Variants in GLUD1 observed in about 807,000 individuals in gnomAD.
GLUD1 encodes glutamate dehydrogenase 1, also known as glutamate dehydrogenase 1, mitochondrial.
A neutral mutation model predicts 56.0 loss-of-function variants in GLUD1; 22 were observed. The observed-to-expected ratio is 0.39, with a 90% CI of 0.28 to 0.56. GLUD1 has a LOEUF of 0.56. Among genes scored for constraint, GLUD1 ranks in the 20% least tolerant of loss-of-function variants. GLUD1 has a pLI of 0.58. For synonymous variants in GLUD1, 223 were observed against 269.9 expected, an observed-to-expected ratio of 0.83 and a Z score of 1.70; for missense variants, 451 against 732.0, an observed-to-expected ratio of 0.62 and a Z score of 4.43.
chr10:87,055,376 G>A (rs1845743176), intron 11 of GLUD1, among the ~76,000 whole-genome samples: 1 of 152,156 alleles, frequency 6.6e-6, no homozygotes, highest in Non-Finnish European at 1.5e-5. Context: ...GGTCCTGATA[G>A]TGCCAAACAG....
chr10:87,052,671 A>AG, intron 12 of GLUD1, among the ~76,000 whole-genome samples: 1 of 127,848 alleles, frequency 7.8e-6, no homozygotes, highest in Non-Finnish European at 1.6e-5. Flanking sequence ...CTCCGTCTCA[A>AG]AAAAAAAAAA....
intron 5 of GLUD1, among the ~76,000 whole-genome samples, chr10:87,063,794 A>G (rs1845997968): frequency 6.6e-6 from 1 of 152,202 alleles, no homozygotes; most frequent in Admixed American, 6.5e-5. Flanking sequence ...CTGTGTGAGC[A>G]GAGTATCTTT....
intron 5 of GLUD1, among the ~76,000 whole-genome samples, chr10:87,064,093 T>C (rs1846009714): frequency 6.6e-6 from 1 of 152,124 alleles, no homozygotes; most frequent in African/African-American, 2.4e-5. Flanking sequence ...AGTAGAGTAT[T>C]TTTAGTAGAG....
chr10:87,052,215 G>A (rs745799578), intron 12 of GLUD1, among the ~76,000 whole-genome samples: 6 of 152,230 alleles, frequency 3.9e-5, no homozygotes, highest in East Asian at 1.9e-4. Flanking sequence ...GCAGGGGTGC[G>A]GTTGCTCACA....
chr10:87,067,731 C>G (rs1011007412), intron 5 of GLUD1: 1 of 313,146 alleles, frequency 3.2e-6, no homozygotes. Flanking sequence ...CATACCTTAT[C>G]TGCTTATGCA....
chr10:87,065,272 C>CAAAAAAAA (rs59540767), intron 5 of GLUD1, among the ~76,000 whole-genome samples: 1 of 60,796 alleles, frequency 1.6e-5, no homozygotes, highest in African/African-American at 5.7e-5. Flanking sequence ...GACTCCGTCT[C>CAAAAAAAA]AAAAAAAAAA....
intron 5 of GLUD1, among the ~76,000 whole-genome samples, 179 bp from the exon 6 acceptor site, chr10:87,063,014 C>T (rs1845974827): frequency 6.6e-6 from 1 of 151,534 alleles, no homozygotes; most frequent in African/African-American, 2.4e-5. Context: ...ACTTTTTCAG[C>T]TTTCTGTTCC....
chr10:87,086,337 T>C (rs181364644), intron 1 of GLUD1, among the ~76,000 whole-genome samples: 37 of 152,362 alleles, frequency 2.4e-4, no homozygotes, highest in African/African-American at 8.7e-4. Flanking sequence ...ATTTTGTGGT[T>C]ATCTTTGCCT....
intron 5 of GLUD1, 71 bp downstream of exon 5, chr10:87,067,992 A>T (rs915579400): frequency 3.4e-6 from 3 of 875,794 alleles, no homozygotes; most frequent in Non-Finnish European, 5.8e-6. Context: ...AACTTTTGAT[A>T]TAATCAGTCA....
chr10:87,064,157 C>T (rs918379393), intron 5 of GLUD1, among the ~76,000 whole-genome samples: 8 of 152,180 alleles, frequency 5.3e-5, no homozygotes, highest in Non-Finnish European at 1.0e-4. Context: ...TCGTGATCCA[C>T]CCGCCTCGGC....
chr10:87,061,006 A>G lies in GLUD1; in HGVS notation c.968T>C (p.Phe323Ser). 6.2e-7 allele frequency: 1 copy of G among 1,613,942 alleles called. No individual in the cohort carries two copies. Among genetic ancestry groups the G allele is most frequent in the East Asian group, 2.2e-5 (1 of 44,878 alleles). Residue 323 changes from phenylalanine to serine, a missense_variant, in exon 7 of 13, where the codon TTT becomes TCT. By Grantham distance (155) the Phe-to-Ser change is radical (BLOSUM62 -2). Coordinates refer to ENST00000277865, the MANE Select transcript of GLUD1 (RefSeq NM_005271.5). ...ACCAACAGCAATACATTTAGCACCA[A>G]AACGATGTAAATATCTCATAGAGTG... ...GLHSMRYLHR[F>S]GAKCIAVGES...
In GLUD1 at chr10:87,058,236, T is replaced by C. The variant is rs192951153; in HGVS notation, c.1403-454A>G. Reference sequence around the variant, plus strand: ...CTCAGTCAGGAAGGAATAAAACACATTGCCAATTTCCTATATAAATGTGAA... The same window carrying C: ...CTCAGTCAGGAAGGAATAAAACACACTGCCAATTTCCTATATAAATGTGAA... On this transcript the variant is annotated intron_variant, in intron 10 of 12. Transcript: ENST00000277865. Among the ~76,000 whole-genome samples the C allele has an allele frequency of 1.2e-4, 19 of 152,270 alleles. No homozygotes were observed. In the South Asian group the frequency reaches 2.5e-3, roughly 20 times the overall value.
intron 5 of GLUD1, among the ~76,000 whole-genome samples, chr10:87,063,998 C>T (rs896003185): frequency 6.6e-6 from 1 of 152,176 alleles, no homozygotes; most frequent in Non-Finnish European, 1.5e-5. Context: ...CCTGCCTCAG[C>T]CTCCCGATAG....
chr10:87,052,835 C>A (rs923042250), intron 12 of GLUD1, among the ~76,000 whole-genome samples: 1 of 152,052 alleles, frequency 6.6e-6, no homozygotes, highest in East Asian at 1.9e-4. Context: ...AGAAAAACAA[C>A]AGCCCTAAGA....
rs908920954 is a variant in GLUD1 at position 87,073,218 on chromosome 10, A to C, written c.646+1333T>G. ...GCCAGAGTGTGGCAGGCCAGAGTGC[A>C]GTGGCACAATCATAGCTCACTGCAG... On this transcript the variant is annotated intron_variant, in intron 4 of 12. Transcript: ENST00000277865. 3.9e-5 allele frequency among the ~76,000 whole-genome samples: 6 copies of C among 152,252 alleles called. No individual in the cohort carries two copies. In the East Asian group the frequency reaches 1.2e-3, roughly 29 times the overall value.
chr10:87,091,743 G>T (rs1564567092), intron 1 of GLUD1: 2 of 174,638 alleles, frequency 1.1e-5, no homozygotes, highest in African/African-American at 4.8e-5. Flanking sequence ...CTAGATTGTT[G>T]CTTTGCTTCA....
At chr10:87,091,315 T>A (rs1172389791) in intron 1 of GLUD1, among the ~76,000 whole-genome samples, 1 of 152,212 alleles carries the variant, frequency 6.6e-6, no homozygotes, top group Non-Finnish European at 1.5e-5. Context: ...CAATCTGTAC[T>A]TTCCCTCCAA....
In GLUD1 at chr10:87,051,486, A is replaced by C; in HGVS notation, c.*265T>G. On this transcript the variant is annotated 3_prime_UTR_variant, in exon 13 of 13. Coordinates refer to ENST00000277865, the MANE Select transcript of GLUD1 (RefSeq NM_005271.5). ...CCACAGAGCAAGGCTGCACAGCCAG[A>C]TAAAGGAGGCTTTTTATTTAAAGGC... 2.0e-6 allele frequency: 1 copy of C among 503,220 alleles called. No homozygotes were observed. The highest frequency in any genetic ancestry group is 3.7e-6 in the Non-Finnish European group (1 of 267,208). The allele number at this position is 503,220 out of a possible 1,614,324, so 31.2% of individuals were successfully genotyped here.
At chr10:87,069,915 G>T (rs913038641) in intron 4 of GLUD1, among the ~76,000 whole-genome samples, 2 of 152,158 alleles carry the variant, frequency 1.3e-5, no homozygotes, top group African/African-American at 4.8e-5. Flanking sequence ...CACTGCACTT[G>T]GAAAGATTAA....
Sources: gnomAD v4.1 joint callset for allele counts (sites outside exome capture counted in the v4.1 genomes callset) on GRCh38, gnomAD v4.1.1 for gene constraint, MANE v1.5 for transcripts, NCBI Gene and HGNC (gene_info 2026-07-23, HGNC 2026-07-21) for gene names.